The following SLC39A12 variants were observed in gnomAD, a reference collection of about 807,000 sequenced individuals.
SLC39A12 encodes the protein zinc transporter ZIP12.
In SLC39A12, 63 loss-of-function variants were observed where a neutral mutation model predicts 71.1. That is an observed-to-expected ratio of 0.89 (90% CI 0.72 to 1.09). The LOEUF is 1.09. Ranked by LOEUF, SLC39A12 falls within the 50% of genes least tolerant of loss-of-function variation. The pLI is 0.00. For synonymous variants in SLC39A12, 351 were observed against 301.3 expected (o/e 1.16, Z -1.71); for missense variants, 892 against 812.6 (o/e 1.10, Z -1.19).
At chr10:18,017,327 G>T (rs929107167) in intron 12 of SLC39A12, among the ~76,000 whole-genome samples, 7 of 151,672 alleles carry the variant, frequency 4.6e-5, no homozygotes, top group Admixed American at 3.9e-4. Flanking sequence ...TTTTCTTTTT[G>T]AGACAGAGTC....
intron 2 of SLC39A12, among the ~76,000 whole-genome samples, chr10:17,958,545 A>G (rs1485429322): frequency 1.3e-5 from 2 of 152,194 alleles, no homozygotes; most frequent in African/African-American, 2.4e-5. Flanking sequence ...GTGGGTCCAC[A>G]GCCTGTGTTC....
At chr10:17,985,115 G>C (rs910191513) in intron 6 of SLC39A12, among the ~76,000 whole-genome samples, 11 of 152,154 alleles carry the variant, frequency 7.2e-5, no homozygotes, top group African/African-American at 1.2e-4. Flanking sequence ...AGGCCAAGGT[G>C]GTGGATCATT....
chr10:18,038,111 C>G (rs1318468473), intron 12 of SLC39A12, among the ~76,000 whole-genome samples: 1 of 110,478 alleles, frequency 9.1e-6, no homozygotes, highest in Non-Finnish European at 1.7e-5. Context: ...AAAAAAAATA[C>G]AGGAGCCTGT....
intron 12 of SLC39A12, among the ~76,000 whole-genome samples, chr10:18,038,531 TC>T (rs1837128125): frequency 6.6e-6 from 1 of 152,094 alleles, no homozygotes; most frequent in Non-Finnish European, 1.5e-5. Flanking sequence ...GTGCCTGTAA[TC>T]CCAGCTACTT....
chr10:17,997,109 G>A (rs1176633142), intron 10 of SLC39A12, among the ~76,000 whole-genome samples: 1 of 151,676 alleles, frequency 6.6e-6, no homozygotes, highest in Admixed American at 6.6e-5. Flanking sequence ...ATTCATTCAT[G>A]CATCAATGCA....
At chr10:18,000,235 C>T (rs905638721) in intron 10 of SLC39A12, among the ~76,000 whole-genome samples, 14 of 152,120 alleles carry the variant, frequency 9.2e-5, no homozygotes, top group African/African-American at 3.1e-4. Context: ...CATACCACCA[C>T]GCTAGGGGAA....
At chr10:17,967,896 A>AT (rs1283821688) in intron 4 of SLC39A12, among the ~76,000 whole-genome samples, 97 of 124,684 alleles carry the variant, frequency 7.8e-4, no homozygotes, top group Middle Eastern at 3.9e-3. Context: ...CAAAAAAAAA[A>AT]AAATATATAT....
At chr10:18,012,644 G>T (rs898362323) in intron 12 of SLC39A12, among the ~76,000 whole-genome samples, 4 of 152,100 alleles carry the variant, frequency 2.6e-5, no homozygotes, top group Admixed American at 6.5e-5. Context: ...AGAGACAGGC[G>T]GATCACGAGG....
At position 18,018,321 on chromosome 10, in the gene SLC39A12, C is replaced by T. The variant is rs149509021; in HGVS notation, c.1947+14963C>T. Reference sequence around the variant, plus strand: ...TTTTCTTTACAGTTATCATGTCATCCGTGAACAAAGGCGGTCTTATTTCTT... The same window carrying T: ...TTTTCTTTACAGTTATCATGTCATCTGTGAACAAAGGCGGTCTTATTTCTT... On this transcript the variant is annotated intron_variant, in intron 12 of 12. Coordinates refer to ENST00000377369, the MANE Select transcript of SLC39A12 (RefSeq NM_001145195.2). Among the ~76,000 whole-genome samples, 357 of 152,176 alleles carry T rather than the reference C, an allele frequency of 2.3e-3. 1 individual carries two copies. The highest frequency in any genetic ancestry group is 4.2e-3 in the Non-Finnish European group (288 of 67,990).
At chr10:18,035,201 C>A (rs1423602620) in intron 12 of SLC39A12, among the ~76,000 whole-genome samples, 14 of 148,622 alleles carry the variant, frequency 9.4e-5, no homozygotes, top group African/African-American at 3.6e-4. Flanking sequence ...GCCTGCCTTG[C>A]TAGATTGGGG....
chr10:18,026,095 C>G (rs1260789957), intron 12 of SLC39A12, among the ~76,000 whole-genome samples: 1 of 152,150 alleles, frequency 6.6e-6, no homozygotes, highest in Non-Finnish European at 1.5e-5. Flanking sequence ...TAGATCAACT[C>G]AGAATAAGAA....
At chr10:18,038,837 C>T (rs572323312) in intron 12 of SLC39A12, among the ~76,000 whole-genome samples, 7 of 152,212 alleles carry the variant, frequency 4.6e-5, no homozygotes, top group South Asian at 4.2e-4. Flanking sequence ...TTCTCCTCAG[C>T]CAAAGACCCT....
intron 12 of SLC39A12, among the ~76,000 whole-genome samples, chr10:18,034,053 G>A (rs1836928421): frequency 6.7e-6 from 1 of 150,324 alleles, no homozygotes; most frequent in Non-Finnish European, 1.5e-5. Context: ...CATTTGCTGA[G>A]GAGAGCTTTA....
At chr10:17,977,451 C>G (rs768118662) in intron 4 of SLC39A12, among the ~76,000 whole-genome samples, 8 of 151,872 alleles carry the variant, frequency 5.3e-5, no homozygotes, top group Non-Finnish European at 2.9e-5. Context: ...TTTTTAAAAG[C>G]CTAGAGCTAT....
At chr10:18,017,696 T>C (rs1350500294) in intron 12 of SLC39A12, among the ~76,000 whole-genome samples, 5 of 152,242 alleles carry the variant, frequency 3.3e-5, no homozygotes, top group Non-Finnish European at 7.3e-5. Context: ...CAGCTCACTG[T>C]ATATAGGTCT....
At chr10:18,019,450 T>C (rs942716174) in intron 12 of SLC39A12, among the ~76,000 whole-genome samples, 9 of 152,038 alleles carry the variant, frequency 5.9e-5, no homozygotes, top group African/African-American at 2.2e-4. Context: ...TGCTCTTCTT[T>C]TTCTAGTTTC....
chr10:17,952,434 A>G (rs1443439950), intron 1 of SLC39A12, among the ~76,000 whole-genome samples: 2 of 145,000 alleles, frequency 1.4e-5, no homozygotes, highest in African/African-American at 5.1e-5. Flanking sequence ...GAACATTACT[A>G]TTTTCTTCTA....
At chr10:17,974,306 T>C (rs1835049873) in intron 4 of SLC39A12, among the ~76,000 whole-genome samples, 1 of 152,200 alleles carries the variant, frequency 6.6e-6, no homozygotes, top group African/African-American at 2.4e-5. Flanking sequence ...TTTCCTGGAA[T>C]ATCTTGATAC....
At chr10:18,014,660 G>A (rs1249573086) in intron 12 of SLC39A12, among the ~76,000 whole-genome samples, 1 of 152,162 alleles carries the variant, frequency 6.6e-6, no homozygotes, top group Non-Finnish European at 1.5e-5. Flanking sequence ...AATCTCTATT[G>A]TCTTTCAATG....
Sources: gnomAD v4.1 joint callset for allele counts (sites outside exome capture counted in the v4.1 genomes callset) on GRCh38, gnomAD v4.1.1 for gene constraint, MANE v1.5 for transcripts, NCBI Gene and HGNC (gene_info 2026-07-23, HGNC 2026-07-21) for gene names.